SEMA3A: variants seen among roughly 807,000 people sequenced by gnomAD.
SEMA3A encodes the protein semaphorin 3A.
SEMA3A carries 29 observed loss-of-function variants against 97.9 expected under a neutral mutation model. That is an observed-to-expected ratio of 0.30 (90% CI 0.22 to 0.40). The LOEUF is 0.40. SEMA3A is among the 10% of genes least tolerant of loss of function. The pLI is 1.00. For synonymous variants in SEMA3A, 321 were observed against 323.7 expected, an observed-to-expected ratio of 0.99 and a Z score of 0.09; for missense variants, 763 against 951.3, an observed-to-expected ratio of 0.80 and a Z score of 2.60.
chr7:84,008,001 A>G (rs1203142131), intron 9 of SEMA3A, among the ~76,000 whole-genome samples: 2 of 152,192 alleles, frequency 1.3e-5, no homozygotes, highest in Non-Finnish European at 2.9e-5. Context: ...AAAGTATTAG[A>G]TCAAGTAGAA....
At chr7:84,102,969 C>T (rs554700312) in intron 4 of SEMA3A, among the ~76,000 whole-genome samples, 1 of 151,990 alleles carries the variant, frequency 6.6e-6, no homozygotes, top group Admixed American at 6.6e-5. Flanking sequence ...TTTTTTTTGA[C>T]AGTAACTAAG....
intron 2 of SEMA3A, among the ~76,000 whole-genome samples, chr7:84,348,498 A>G (rs1403368251): frequency 1.3e-5 from 2 of 152,222 alleles, no homozygotes; most frequent in East Asian, 3.8e-4. Flanking sequence ...AACAATCATT[A>G]AAACATAAGA....
At chr7:84,160,649 C>T (rs1797001978) in intron 1 of SEMA3A, among the ~76,000 whole-genome samples, 1 of 150,806 alleles carries the variant, frequency 6.6e-6, no homozygotes, top group Admixed American at 6.6e-5. Flanking sequence ...GAGGCCGAAG[C>T]AGGTGGATCA....
chr7:84,120,751 C>CA (rs1795586091), intron 3 of SEMA3A, among the ~76,000 whole-genome samples: 2 of 152,086 alleles, frequency 1.3e-5, no homozygotes, highest in Admixed American at 1.3e-4. Context: ...TCGATATTTT[C>CA]AAAAATTATA....
chr7:84,393,178 T>A (rs1803630973), intron 1 of SEMA3A, among the ~76,000 whole-genome samples: 1 of 152,170 alleles, frequency 6.6e-6, no homozygotes, highest in Admixed American at 6.6e-5. Context: ...TTAAGTTTCA[T>A]GTTTTATGTT....
At chr7:84,456,524 C>T (rs1313826311) in intron 1 of SEMA3A, among the ~76,000 whole-genome samples, 1 of 151,716 alleles carries the variant, frequency 6.6e-6, no homozygotes, top group East Asian at 1.9e-4. Context: ...CCATGTAAAA[C>T]TAGATGTCTG....
At position 83,960,385 on chromosome 7, in the gene SEMA3A, CTGT is replaced by C. The variant is rs1040176200; in HGVS notation, c.*983_*985del. ...CTTCCTTTTTTCCTGCTTAAATGTT[CTGT>C]TTTTTTTTCTAAGAACATTATGCAA... On this transcript the variant is annotated 3_prime_UTR_variant, in exon 17 of 17. Coordinates refer to ENST00000265362, the MANE Select transcript of SEMA3A (RefSeq NM_006080.3). The C allele has an allele frequency of 5.3e-4, 81 of 151,680 alleles. No homozygotes were observed. The highest frequency in any genetic ancestry group is 1.8e-3 in the African/African-American group (76 of 41,412). The allele number at this position is 151,680 out of a possible 1,614,324, so 9.4% of individuals were successfully genotyped here.
At chr7:83,983,915 A>G (rs1281708070) in intron 13 of SEMA3A, among the ~76,000 whole-genome samples, 1 of 152,122 alleles carries the variant, frequency 6.6e-6, no homozygotes, top group African/African-American at 2.4e-5. Context: ...TGAAACTACT[A>G]TCTCACTTTA....
At chr7:84,261,030 C>T (rs1179410191) in intron 3 of SEMA3A, among the ~76,000 whole-genome samples, 1 of 152,106 alleles carries the variant, frequency 6.6e-6, no homozygotes, top group East Asian at 1.9e-4. Flanking sequence ...CCATAAACCC[C>T]CCAGATTCAG....
chr7:84,412,608 C>T (rs1448251536), intron 1 of SEMA3A, among the ~76,000 whole-genome samples: 2 of 152,124 alleles, frequency 1.3e-5, no homozygotes, highest in Non-Finnish European at 2.9e-5. Context: ...AGAAGGATCA[C>T]CACATTCCCT....
At chr7:84,314,026 A>C (rs1043553169) in intron 2 of SEMA3A, among the ~76,000 whole-genome samples, 1 of 152,226 alleles carries the variant, frequency 6.6e-6, no homozygotes, top group African/African-American at 2.4e-5. Flanking sequence ...TATGATAGCA[A>C]GGTCTTGAAG....
At chr7:84,170,434 C>T (rs1172541402) in intron 1 of SEMA3A, among the ~76,000 whole-genome samples, 1 of 151,868 alleles carries the variant, frequency 6.6e-6, no homozygotes, top group African/African-American at 2.4e-5. Flanking sequence ...GCTAATAACT[C>T]TACACTTTAA....
In SEMA3A at chr7:84,060,555, T is replaced by C; in HGVS notation, c.457A>G (p.Asn153Asp). Residue 153 changes from asparagine to aspartate, a missense_variant, in exon 5 of 17, where the codon AAT (asparagine) becomes GAT (aspartate). Asn to Asp is a conservative substitution (Grantham distance 23). This residue lies in a region of SEMA3A where 678 missense variants were observed against 881.3 expected (regional missense o/e 0.77). Coordinates refer to ENST00000265362, the MANE Select transcript of SEMA3A (RefSeq NM_006080.3). The part of the protein sequence containing the change: ...YIEIGHHPED[N>D]IFKLENSHFE... Reference sequence around the variant, plus strand: ...TGTGAGTTCTCCAGCTTAAAAATATTGTCCTGTGGATTTAAAAAAGAAAGA... The same window carrying C: ...TGTGAGTTCTCCAGCTTAAAAATATCGTCCTGTGGATTTAAAAAAGAAAGA... 6.4e-7 allele frequency: 1 copy of C among 1,563,260 alleles called. No individual in the cohort carries two copies. Among genetic ancestry groups the C allele is most frequent in the Non-Finnish European group, 8.6e-7 (1 of 1,160,754 alleles).
intron 1 of SEMA3A, among the ~76,000 whole-genome samples, chr7:84,137,128 C>A (rs1055708822): frequency 1.1e-4 from 16 of 152,022 alleles, no homozygotes; most frequent in Admixed American, 2.6e-4. Context: ...TGGCTGGACA[C>A]GGTGGCTCAT....
Position 83,985,488 on chromosome 7 carries a change from A to G in SEMA3A, c.1453-11T>C. ...AATAGCAGTCGGTTCCTAAAGGAGA[A>G]AAAGAAATATGTGAGGTGTTTGGTC... On this transcript the variant is annotated splice_polypyrimidine_tract_variant and intron_variant, in intron 12 of 16. Transcript: ENST00000265362. 6.2e-7 allele frequency: 1 copy of G among 1,608,332 alleles called. No homozygotes were observed. Among genetic ancestry groups the G allele is most frequent in the African/African-American group, 1.3e-5 (1 of 74,922 alleles).
chr7:84,150,262 C>T (rs1796589293), intron 1 of SEMA3A, among the ~76,000 whole-genome samples: 1 of 152,178 alleles, frequency 6.6e-6, no homozygotes, highest in Non-Finnish European at 1.5e-5. Context: ...AGGAACAGCT[C>T]CAGTCTACAG....
chr7:84,413,387 G>A (rs1354767754), intron 1 of SEMA3A, among the ~76,000 whole-genome samples: 1 of 152,120 alleles, frequency 6.6e-6, no homozygotes, highest in Non-Finnish European at 1.5e-5. Context: ...CAGCACTTTA[G>A]GAGGCTGAGT....
At chr7:84,092,860 C>T (rs997652267) in intron 4 of SEMA3A, among the ~76,000 whole-genome samples, 3 of 151,794 alleles carry the variant, frequency 2.0e-5, no homozygotes, top group African/African-American at 2.4e-5. Flanking sequence ...ACTTGCACTT[C>T]TGTGTAAATG....
At chr7:84,030,504 A>G (rs1300081089) in intron 6 of SEMA3A, among the ~76,000 whole-genome samples, 3 of 141,338 alleles carry the variant, frequency 2.1e-5, no homozygotes, top group Non-Finnish European at 4.6e-5. Flanking sequence ...CACCAAAAAG[A>G]TATAGTACAG....
Sources: gnomAD v4.1 joint callset for allele counts (sites outside exome capture counted in the v4.1 genomes callset) on GRCh38, gnomAD v4.1.1 for gene constraint, gnomAD v4.1.1 regional missense constraint, MANE v1.5 for transcripts, NCBI Gene and HGNC (gene_info 2026-07-23, HGNC 2026-07-21) for gene names.